The following PARP15 variants were observed in gnomAD, a reference collection of about 807,000 sequenced individuals.
PARP15 encodes protein mono-ADP-ribosyltransferase PARP15.
A neutral mutation model predicts 62.1 loss-of-function variants in PARP15; 50 were observed. The observed-to-expected ratio is 0.81, with a 90% CI of 0.64 to 1.02. PARP15 has a LOEUF of 1.02. Ranked by LOEUF, PARP15 falls within the 50% of genes least tolerant of loss-of-function variation. PARP15 has a pLI of 0.00. For synonymous variants in PARP15, 309 were observed against 293.1 expected (o/e 1.05, Z -0.55); for missense variants, 820 against 826.5 (o/e 0.99, Z 0.10).
intron 1 of PARP15, among the ~76,000 whole-genome samples, chr3:122,599,298 G>A (rs1413093104): frequency 6.6e-6 from 1 of 152,098 alleles, no homozygotes; most frequent in East Asian, 1.9e-4. Flanking sequence ...TTGAGCCCAG[G>A]AGGCTGAGGC....
chr3:122,605,921 C>T lies in PARP15; in HGVS notation c.187-15C>T. Reference sequence around the variant, plus strand: ...AATTGGCATTGCTGGTAATGCTTTACTGTTTTCTCCACAGTCCAGAGACAA... The same window carrying T: ...AATTGGCATTGCTGGTAATGCTTTATTGTTTTCTCCACAGTCCAGAGACAA... On this transcript the variant is annotated splice_polypyrimidine_tract_variant and intron_variant, in intron 1 of 11. Coordinates refer to ENST00000464300, the MANE Select transcript of PARP15 (RefSeq NM_001113523.3). 3.2e-6 allele frequency: 5 copies of T among 1,550,080 alleles called. No individual in the cohort carries two copies. The highest frequency in any genetic ancestry group is 4.4e-6 in the Non-Finnish European group (5 of 1,146,070).
intron 6 of PARP15, among the ~76,000 whole-genome samples, chr3:122,619,561 C>T (rs6792882): frequency 0.072 from 10,991 of 152,128 alleles, 1,190 homozygotes; most frequent in African/African-American, 0.24. Flanking sequence ...AAGTTGCAGA[C>T]GCCAGCCTTT....
chr3:122,579,999 G>GTATATATATGTATA (rs1553725413), intron 1 of PARP15, among the ~76,000 whole-genome samples: 1 of 64,460 alleles, frequency 1.6e-5, no homozygotes, highest in African/African-American at 5.0e-5. Context: ...GCAACTATAT[G>GTATATATATGTATA]TATATATATA....
intron 4 of PARP15, among the ~76,000 whole-genome samples, chr3:122,614,757 A>C (rs1935824652): frequency 6.6e-6 from 1 of 152,194 alleles, no homozygotes. Context: ...GGACTGGTGC[A>C]GTGGCTCACG....
chr3:122,636,703 C>T lies in PARP15; in HGVS notation c.*603C>T, dbSNP rs1031957263. 9.8e-5 allele frequency: 15 copies of T among 153,056 alleles called. No homozygotes were observed. Among genetic ancestry groups the T allele is most frequent in the Admixed American group, 9.1e-4 (14 of 15,444 alleles). The allele number at this position is 153,056 out of a possible 1,614,324, so 9.5% of individuals were successfully genotyped here. A position where few individuals can be genotyped will look rare whatever the true frequency, so the allele number is the denominator to read the frequency against. On this transcript the variant is annotated 3_prime_UTR_variant, in exon 12 of 12. Transcript: ENST00000464300. ...TTACCCCCAATTTTAGTGACTTAATCCCACACAGTCTTTATGGGTCAGGAA... is the reference window on the plus strand; with the variant it reads ...TTACCCCCAATTTTAGTGACTTAATTCCACACAGTCTTTATGGGTCAGGAA...
chr3:122,635,988 A>G lies in PARP15; in HGVS notation c.1925A>G (p.Asn642Ser). The change falls in exon 12 of 12, where the codon AAT (asparagine) becomes AGT (serine). Residue 642 changes from asparagine to serine, a missense_variant. Asn to Ser is a conservative substitution (Grantham distance 46). Coordinates refer to ENST00000464300, the MANE Select transcript of PARP15 (RefSeq NM_001113523.3). ...ACCCCTCCACCCAAGAATCCTCACA[A>G]TCCCACAGATCTCTTTGACTCAGTG... ...LVTPPPKNPH[N>S]PTDLFDSVTN... The G allele has an allele frequency of 6.2e-7, 1 of 1,614,124 alleles. No individual in the cohort carries two copies. The highest frequency in any genetic ancestry group is 8.5e-7 in the Non-Finnish European group (1 of 1,180,012).
intron 4 of PARP15, 159 bp from the exon 5 acceptor site, chr3:122,615,620 A>AG (rs1935909026): frequency 1.4e-6 from 2 of 1,455,698 alleles, no homozygotes; most frequent in Admixed American, 4.6e-5. Context: ...GAAAATTCCT[A>AG]GGTTGAACCG....
At chr3:122,615,283 C>T (rs1214755299) in intron 4 of PARP15, 1 of 1,289,030 alleles carries the variant, frequency 7.8e-7, no homozygotes, top group South Asian at 1.2e-5. Flanking sequence ...TGTTTTCATT[C>T]AGGAGGCTTT....
chr3:122,629,962 C>T (rs905659721), intron 9 of PARP15, among the ~76,000 whole-genome samples: 1 of 152,146 alleles, frequency 6.6e-6, no homozygotes, highest in Non-Finnish European at 1.5e-5. Flanking sequence ...TGTTCTCTTG[C>T]CTGCCGCTCA....
chr3:122,614,955 AG>A (rs1935841770), intron 4 of PARP15: 3 of 540,186 alleles, frequency 5.6e-6, no homozygotes, highest in African/African-American at 2.2e-5. Flanking sequence ...AGTTGAGTCC[AG>A]GGGGTTGAGG....
chr3:122,598,424 C>CT (rs1309035029), intron 1 of PARP15, among the ~76,000 whole-genome samples: 1 of 152,180 alleles, frequency 6.6e-6, no homozygotes, highest in Non-Finnish European at 1.5e-5. Context: ...TTGACTGCGA[C>CT]TGGAGAGTCT....
intron 1 of PARP15, among the ~76,000 whole-genome samples, chr3:122,582,705 C>T (rs1933059098): frequency 6.6e-6 from 1 of 152,124 alleles, no homozygotes; most frequent in South Asian, 2.1e-4. Flanking sequence ...TTATAGTTTT[C>T]ATCAAATTTG....
chr3:122,580,959 C>T (rs554636376), intron 1 of PARP15, among the ~76,000 whole-genome samples: 1 of 152,262 alleles, frequency 6.6e-6, no homozygotes, highest in South Asian at 2.1e-4. Flanking sequence ...ATGTTTAATA[C>T]ACAAATCCCA....
chr3:122,631,660 C>A (rs1212820562), intron 9 of PARP15, among the ~76,000 whole-genome samples: 2 of 152,138 alleles, frequency 1.3e-5, no homozygotes, highest in East Asian at 3.8e-4. Context: ...GGGTACAGAA[C>A]AATGTGCTTT....
At chr3:122,613,599 G>A (rs1191778364) in intron 4 of PARP15, among the ~76,000 whole-genome samples, 2 of 152,188 alleles carry the variant, frequency 1.3e-5, no homozygotes, top group Non-Finnish European at 2.9e-5. Flanking sequence ...AATGAGAGAA[G>A]CCTCAAGGAT....
chr3:122,614,477 TA>T (rs1935804548), intron 4 of PARP15, among the ~76,000 whole-genome samples: 1 of 152,218 alleles, frequency 6.6e-6, no homozygotes, highest in Non-Finnish European at 1.5e-5. Context: ...TAAGCAAATT[TA>T]TCCATAGGAA....
At chr3:122,627,872 A>G (rs1046040610) in intron 9 of PARP15, among the ~76,000 whole-genome samples, 3 of 152,266 alleles carry the variant, frequency 2.0e-5, no homozygotes, top group African/African-American at 7.2e-5. Flanking sequence ...TGAATATAAT[A>G]GTTGGATCTG....
chr3:122,634,936 A>G, intron 10 of PARP15, 84 bp from the exon 11 acceptor site: 1 of 1,338,400 alleles, frequency 7.5e-7, no homozygotes, highest in Non-Finnish European at 1.0e-6. Context: ...TCTTTTTCAT[A>G]TTGCTTATTT....
chr3:122,598,372 G>A (rs1411977308), intron 1 of PARP15, among the ~76,000 whole-genome samples: 4 of 152,160 alleles, frequency 2.6e-5, no homozygotes, highest in African/African-American at 4.8e-5. Flanking sequence ...CTATCATGAC[G>A]TGGTTATTCA....
Sources: allele counts gnomAD v4.1 joint callset (sites outside exome capture counted in the v4.1 genomes callset), GRCh38; gene constraint gnomAD v4.1.1; transcripts MANE v1.5; gene names NCBI Gene and HGNC (gene_info 2026-07-23, HGNC 2026-07-21).